Variants in PLOD1 observed in about 807,000 individuals in gnomAD.
PLOD1 encodes lysine hydroxylase.
PLOD1 carries 70 observed loss-of-function variants against 94.7 expected under a neutral mutation model. The observed-to-expected ratio is 0.74, with a 90% confidence interval of 0.61 to 0.90. The LOEUF (loss-of-function observed/expected upper bound fraction) is 0.90. Among genes scored for constraint, PLOD1 ranks in the 40% least tolerant of loss-of-function variants. PLOD1 has a pLI of 0.00. For missense variants in PLOD1, 905 were observed against 972.7 expected (o/e 0.93, Z 0.93); for synonymous variants, 417 against 400.2 (o/e 1.04, Z -0.50).
intron 1 of PLOD1, among the ~76,000 whole-genome samples, chr1:11,946,531 T>C (rs1645655705): frequency 6.6e-6 from 1 of 152,208 alleles, no homozygotes; most frequent in Non-Finnish European, 1.5e-5. Context: ...GACTGTGAGA[T>C]AGATTAGCAA....
At chr1:11,962,820 C>G (rs964334324) in intron 10 of PLOD1, among the ~76,000 whole-genome samples, 1 of 151,964 alleles carries the variant, frequency 6.6e-6, no homozygotes, top group Non-Finnish European at 1.5e-5. Flanking sequence ...GCGGGCAGAT[C>G]ACCTGAAGTC....
chr1:11,972,569 TTC>T lies in PLOD1; in HGVS notation c.1903-299_1903-298del, dbSNP rs2100766718. The T allele has an allele frequency of 5.3e-6, 2 of 375,584 alleles. No homozygotes were observed. Among genetic ancestry groups the T allele is most frequent in the Non-Finnish European group, 1.0e-5 (2 of 195,668 alleles). The allele number at this position is 375,584 out of a possible 1,614,324, so 23.3% of individuals were successfully genotyped here. ...GTCCGGCCTCCTTCCCTTTCATTTCTTCTCTTCCCTTTCATTTCTTCTCTTCC... is the reference window on the plus strand; with the variant it reads ...GTCCGGCCTCCTTCCCTTTCATTTCTTCTTCCCTTTCATTTCTTCTCTTCC... On this transcript the variant is annotated intron_variant, in intron 17 of 18. Transcript: ENST00000196061. The surrounding 1 kb of genome is among the most constrained non-coding windows in gnomAD (Gnocchi z 4.6).
rs765552064 is a variant in PLOD1 at position 11,957,221 on chromosome 1, G to A, written c.741+207G>A. 4.0e-6 allele frequency: 3 copies of A among 748,440 alleles called. No homozygotes were observed. The highest frequency in any genetic ancestry group is 7.5e-6 in the Non-Finnish European group (3 of 398,882). 46.4% of individuals were successfully genotyped at this position (748,440 alleles called of 1,614,324 possible). A position where few individuals can be genotyped will look rare whatever the true frequency, so the allele number is the denominator to read the frequency against. On this transcript the variant is annotated intron_variant, in intron 7 of 18. Coordinates refer to ENST00000196061, the MANE Select transcript of PLOD1 (RefSeq NM_000302.4). This position sits in a 1 kb window ranked among gnomAD's most constrained non-coding sequence, Gnocchi z 4.1. Reference sequence around the variant, plus strand: ...CAGTGGTACTCTGTCTGTTCTTGCTGGTCACAGGACACGTAGGAGGCTGCC... The same window carrying A: ...CAGTGGTACTCTGTCTGTTCTTGCTAGTCACAGGACACGTAGGAGGCTGCC...
intron 18 of PLOD1, among the ~76,000 whole-genome samples, chr1:11,973,732 C>T (rs567470017): frequency 6.6e-6 from 1 of 152,096 alleles, no homozygotes; most frequent in Admixed American, 6.5e-5. Context: ...AGGCGTGTGC[C>T]ACCATGGCCA....
In PLOD1 at chr1:11,957,031, C is replaced by G; in HGVS notation, c.741+17C>G. 1 of 1,524,232 alleles carries G rather than the reference C, an allele frequency of 6.6e-7. No individual in the cohort carries two copies. 94.4% of individuals were successfully genotyped at this position (1,524,232 alleles called of 1,614,324 possible). A position where few individuals can be genotyped will look rare whatever the true frequency, so the allele number is the denominator to read the frequency against. On this transcript the variant is annotated intron_variant, in intron 7 of 18. Transcript: ENST00000196061. The surrounding 1 kb of genome is among the most constrained non-coding windows in gnomAD (Gnocchi z 4.1). ...CCAACCAAGGTAGGGGGTCCCCAGC[C>G]CCTGGGGAGTGTGGGAGGGGGCCAG... is the stretch of plus-strand genomic sequence containing the variant.
Position 11,962,372 on chromosome 1 carries a change from G to A in PLOD1, c.1098-1160G>A, listed in dbSNP as rs190212501. Among the ~76,000 whole-genome samples the A allele has an allele frequency of 3.2e-3, 444 of 139,432 alleles. 4 individuals are homozygous for A. The highest frequency in any genetic ancestry group is 0.011 in the African/African-American group (394 of 37,000). The allele number at this position is 139,432 out of a possible 152,430, so 91.5% of individuals were successfully genotyped here. A position where few individuals can be genotyped will look rare whatever the true frequency, so the allele number is the denominator to read the frequency against. On this transcript the variant is annotated intron_variant, in intron 10 of 18. Transcript: ENST00000196061. ...GCTCACTGCAAGCTCTGCCTCCCAC[G>A]TTCACGCCATTCTCCTGTCTTAGCC...
intron 5 of PLOD1, chr1:11,954,434 C>T (rs1645724185): frequency 1.6e-5 from 7 of 448,896 alleles, no homozygotes; most frequent in South Asian, 5.0e-5. Context: ...TGCAGTGAGT[C>T]GAGGTCGTGC....
chr1:11,944,625 T>A (rs1397591568), intron 1 of PLOD1: 2 of 1,364,798 alleles, frequency 1.5e-6, no homozygotes, highest in East Asian at 4.6e-5. Flanking sequence ...CTTCCCCAAG[T>A]GTGAGCAGCA....
rs538887104 is a variant in PLOD1 at position 11,962,461 on chromosome 1, A to G, written c.1098-1071A>G. 3.3e-5 allele frequency among the ~76,000 whole-genome samples: 5 copies of G among 151,252 alleles called. No homozygotes were observed. In the South Asian group the frequency reaches 6.3e-4, roughly 19 times the overall value. ...CCGGCTAATTTTTTGTATTTTTAGT[A>G]GAGACGGGGTTTCACCGTGTTAGCC... is the stretch of plus-strand genomic sequence containing the variant. On this transcript the variant is annotated intron_variant, in intron 10 of 18. Transcript: ENST00000196061.
Position 11,949,879 on chromosome 1 carries a change from AG to A in PLOD1, c.277del (p.Asp93IlefsTer22). On this transcript the variant is annotated frameshift_variant, in exon 3 of 19. Coordinates refer to ENST00000196061, the MANE Select transcript of PLOD1 (RefSeq NM_000302.4). LOFTEE classifies it high-confidence loss of function. ...KKALEKHADKEDLVILFADSY... is the reference protein window; with the variant it reads ...KKALEKHADKXDLVILFADSY... ...GCTCTGGAGAAGCACGCAGACAAGG[AG>A]GATCTGGTCATTCTCTTCGCAGACA... 2 of 1,614,136 alleles carry A rather than the reference AG, an allele frequency of 1.2e-6. No homozygotes were observed.
rs1645810925 is a variant in PLOD1 at position 11,965,536 on chromosome 1, C to T, written c.1527C>T (p.Asp509=). 4 of 1,613,778 alleles carry T rather than the reference C, an allele frequency of 2.5e-6. No individual in the cohort carries two copies. The highest frequency in any genetic ancestry group is 4.5e-5 in the East Asian group (2 of 44,882). The change falls in exon 14 of 19, where the codon GAC becomes GAT. Residue 509 remains aspartate (D), a synonymous_variant. Coordinates refer to ENST00000196061, the MANE Select transcript of PLOD1 (RefSeq NM_000302.4). ...RHTLGHLLSL[D]SYRTTHLHND... Reference sequence around the variant, plus strand: ...CCCTTGGCCATCTGCTCTCCCTAGACAGCTACCGCACCACCCACCTGCACA... The same window carrying T: ...CCCTTGGCCATCTGCTCTCCCTAGATAGCTACCGCACCACCCACCTGCACA...
rs182140684 is a variant in PLOD1 at position 11,950,565 on chromosome 1, A to G, written c.466+45A>G. 7.8e-5 allele frequency: 123 copies of G among 1,582,716 alleles called. No individual in the cohort carries two copies. The East Asian group carries it at 1.8e-3, about 24-fold the overall frequency. ...GGCGCTTGGCCCAGCAGAGGGGTCCATCTACTGCCTTTGTGGGGACCCCCC... is the reference window on the plus strand; with the variant it reads ...GGCGCTTGGCCCAGCAGAGGGGTCCGTCTACTGCCTTTGTGGGGACCCCCC... On this transcript the variant is annotated intron_variant, in intron 4 of 18. Transcript: ENST00000196061.
intron 4 of PLOD1, among the ~76,000 whole-genome samples, chr1:11,951,034 T>C (rs1358302378): frequency 2.0e-5 from 3 of 151,744 alleles, no homozygotes; most frequent in Non-Finnish European, 4.4e-5. Flanking sequence ...CCTTAAGTGA[T>C]CCACCTGCCT....
intron 14 of PLOD1, 90 bp from the exon 15 acceptor site, chr1:11,966,161 C>T (rs2100759878): frequency 1.1e-6 from 1 of 935,036 alleles, no homozygotes; most frequent in Non-Finnish European, 1.7e-6. Flanking sequence ...AGCACGTACA[C>T]CTTCACTCCC....
At position 11,957,258 on chromosome 1, in the gene PLOD1, G is replaced by C. The variant is rs2100750859; in HGVS notation, c.741+244G>C. On this transcript the variant is annotated intron_variant, in intron 7 of 18. Transcript: ENST00000196061. This position sits in a 1 kb window ranked among gnomAD's most constrained non-coding sequence, Gnocchi z 4.1. ...CGTAGGAGGCTGCCATCCCCTTCCA[G>C]GCCTAGGCTGGGCTACCAGAGCCAT... The C allele has an allele frequency of 1.4e-6, 1 of 709,964 alleles. No individual in the cohort carries two copies. The highest frequency in any genetic ancestry group is 1.4e-5 in the South Asian group (1 of 73,174). The allele number at this position is 709,964 out of a possible 1,614,324, so 44.0% of individuals were successfully genotyped here.
chr1:11,949,938 C>T, intron 3 of PLOD1, 32 bp downstream of exon 3: 1 of 1,609,126 alleles, frequency 6.2e-7, no homozygotes, highest in Non-Finnish European at 8.5e-7. Context: ...AGCCTGGGCC[C>T]CTCCGCGGAA....
chr1:11,958,683 C>G lies in PLOD1; in HGVS notation c.975+36C>G. The G allele has an allele frequency of 6.2e-7, 1 of 1,613,206 alleles. No individual in the cohort carries two copies. Among genetic ancestry groups the G allele is most frequent in the Non-Finnish European group, 8.5e-7 (1 of 1,179,672 alleles). ...GGCGCTCTGTGGGGTCGTCATGTGG[C>G]TTAGATCCAGGGCCCAGCTTCACAA... On this transcript the variant is annotated intron_variant, in intron 9 of 18. Transcript: ENST00000196061. This position sits in a 1 kb window ranked among gnomAD's most constrained non-coding sequence, Gnocchi z 4.3.
At chr1:11,961,332 T>C (rs1185280847) in intron 10 of PLOD1, among the ~76,000 whole-genome samples, 1 of 152,166 alleles carries the variant, frequency 6.6e-6, no homozygotes, top group Non-Finnish European at 1.5e-5. Flanking sequence ...TTGCATGAGC[T>C]ATGATTGCAC....
rs760452720 is a variant in PLOD1, at chr1:11,956,917, A to C, written c.644A>C (p.Asp215Ala). The C allele has an allele frequency of 6.2e-7, 1 of 1,609,846 alleles. No individual in the cohort carries two copies. Among genetic ancestry groups the C allele is most frequent in the Non-Finnish European group, 8.5e-7 (1 of 1,176,194 alleles). Reference protein sequence around the residue: ...RIFQNLDGALDEVVLKFEMGH... With the variant: ...RIFQNLDGALAEVVLKFEMGH... ...TGGGACTGTGCTTTCTGACCCCCAGATGAGGTCGTGCTCAAGTTTGAAATG... is the reference window on the plus strand; with the variant it reads ...TGGGACTGTGCTTTCTGACCCCCAGCTGAGGTCGTGCTCAAGTTTGAAATG... Residue 215 changes from aspartate (D) to alanine (A), a missense_variant and splice_region_variant, in exon 7 of 19, where the codon GAT (aspartate) becomes GCT (alanine). Coordinates refer to ENST00000196061, the MANE Select transcript of PLOD1 (RefSeq NM_000302.4).
Sources: allele counts gnomAD v4.1 joint callset (sites outside exome capture counted in the v4.1 genomes callset), GRCh38; gene constraint gnomAD v4.1.1; non-coding constraint Gnocchi (gnomAD v3.1); transcripts MANE v1.5; gene names NCBI Gene and HGNC (gene_info 2026-07-23, HGNC 2026-07-21).